Variants in CCDC148 observed in about 807,000 individuals in gnomAD.
CCDC148 encodes coiled-coil domain containing 148.
Under a neutral mutation model 85.7 loss-of-function variants are expected in CCDC148, and 89 were observed. The observed-to-expected ratio is 1.04, with a 90% CI of 0.87 to 1.24. The LOEUF (loss-of-function observed/expected upper bound fraction) is 1.24. Ranked by LOEUF, CCDC148 falls within the 50% of genes most tolerant of loss-of-function variation. The pLI, the probability that CCDC148 is intolerant of heterozygous loss-of-function variation, is 0.00. For synonymous variants in CCDC148, 230 were observed against 213.9 expected, an observed-to-expected ratio of 1.08 and a Z score of -0.66; for missense variants, 692 against 671.7, an observed-to-expected ratio of 1.03 and a Z score of -0.33.
chr2:158,366,552 T>G (rs1684212676), intron 1 of CCDC148, among the ~76,000 whole-genome samples: 1 of 152,182 alleles, frequency 6.6e-6, no homozygotes, highest in South Asian at 2.1e-4. Flanking sequence ...CCCTTCAGGT[T>G]AGGACTCAGC....
intron 9 of CCDC148, among the ~76,000 whole-genome samples, chr2:158,253,254 A>G (rs1688869478): frequency 6.6e-6 from 1 of 151,760 alleles, no homozygotes; most frequent in African/African-American, 2.4e-5. Flanking sequence ...TGATCAATAT[A>G]GAATCTAAAT....
intron 1 of CCDC148, among the ~76,000 whole-genome samples, chr2:158,376,297 GA>G (rs1016346886): frequency 1.3e-5 from 2 of 151,710 alleles, no homozygotes; most frequent in African/African-American, 4.8e-5. Flanking sequence ...GAAAGGGAAA[GA>G]AAAAAATCCT....
At chr2:158,411,927 CA>C (rs5835704) in intron 1 of CCDC148, among the ~76,000 whole-genome samples, 11,659 of 152,020 alleles carry the variant, frequency 0.077, 555 homozygotes, top group Middle Eastern at 0.15. Context: ...GGAATCAGGT[CA>C]GGGGCATAGG....
intron 10 of CCDC148, among the ~76,000 whole-genome samples, chr2:158,230,081 T>C (rs574076719): frequency 1.3e-5 from 2 of 152,326 alleles, no homozygotes; most frequent in African/African-American, 4.8e-5. Flanking sequence ...TTTGATTCTA[T>C]TAACCCTTAC....
intron 11 of CCDC148, among the ~76,000 whole-genome samples, chr2:158,189,430 C>T (rs1027243317): frequency 2.6e-5 from 4 of 151,878 alleles, no homozygotes; most frequent in Admixed American, 2.0e-4. Context: ...GTAATCAGTT[C>T]TTTTCCCAAA....
intron 1 of CCDC148, among the ~76,000 whole-genome samples, chr2:158,438,295 G>C (rs1310700948): frequency 7.2e-5 from 11 of 152,098 alleles, no homozygotes; most frequent in Non-Finnish European, 1.0e-4. Flanking sequence ...CAATGGAACA[G>C]AACAGAGCCC....
chr2:158,350,580 A>G (rs1475545184), intron 2 of CCDC148, among the ~76,000 whole-genome samples: 1 of 152,194 alleles, frequency 6.6e-6, no homozygotes, highest in African/African-American at 2.4e-5. Flanking sequence ...ATGAGAGTAG[A>G]GGATTCTAAA....
intron 10 of CCDC148, among the ~76,000 whole-genome samples, chr2:158,222,305 C>G (rs1303181490): frequency 6.6e-6 from 1 of 152,202 alleles, no homozygotes; most frequent in Non-Finnish European, 1.5e-5. Context: ...CCTCAGATTT[C>G]TGACACCACT....
chr2:158,277,525 A>C (rs777647106), intron 9 of CCDC148, among the ~76,000 whole-genome samples: 6 of 152,250 alleles, frequency 3.9e-5, no homozygotes, highest in African/African-American at 9.6e-5. Flanking sequence ...ACTAAATGCC[A>C]GGAACTACAC....
In CCDC148 at chr2:158,340,676, T is replaced by G; in HGVS notation, c.256A>C (p.Lys86Gln). The G allele has an allele frequency of 6.5e-7, 1 of 1,527,240 alleles. No individual in the cohort carries two copies. The highest frequency in any genetic ancestry group is 9.0e-7 in the Non-Finnish European group (1 of 1,111,534). The allele number at this position is 1,527,240 out of a possible 1,614,324, so 94.6% of individuals were successfully genotyped here. A position where few individuals can be genotyped will look rare whatever the true frequency, so the allele number is the denominator to read the frequency against. Reference sequence around the variant, plus strand: ...AGGGATTTTATTTCAGATTCCATTTTACATCTGAAATAGATGTGATCTCAA... The same window carrying G: ...AGGGATTTTATTTCAGATTCCATTTGACATCTGAAATAGATGTGATCTCAA... Reference protein sequence around the residue: ...EYQRLNEVRCKMESEIKSLLN... With the variant: ...EYQRLNEVRCQMESEIKSLLN... Residue 86 changes from lysine to glutamine, a missense_variant, in exon 4 of 14, where the codon AAA (lysine) becomes CAA (glutamine). Transcript: ENST00000283233.
At chr2:158,216,575 A>G (rs1686875397) in intron 11 of CCDC148, among the ~76,000 whole-genome samples, 1 of 151,574 alleles carries the variant, frequency 6.6e-6, no homozygotes, top group Non-Finnish European at 1.5e-5. Context: ...AAAGCACAAT[A>G]CATTTAATAA....
intron 1 of CCDC148, among the ~76,000 whole-genome samples, chr2:158,415,427 GAT>G (rs1217315682): frequency 6.6e-6 from 1 of 152,122 alleles, no homozygotes; most frequent in African/African-American, 2.4e-5. Flanking sequence ...TTCAACATGA[GAT>G]TTGGGCAGGG....
chr2:158,362,470 C>G (rs1421779164), intron 1 of CCDC148, among the ~76,000 whole-genome samples: 1 of 152,022 alleles, frequency 6.6e-6, no homozygotes, highest in Admixed American at 6.6e-5. Context: ...ATAGCAGTCT[C>G]TCAGATCACA....
chr2:158,247,077 G>A (rs1184628223), intron 10 of CCDC148, among the ~76,000 whole-genome samples: 1 of 152,026 alleles, frequency 6.6e-6, no homozygotes, highest in African/African-American at 2.4e-5. Flanking sequence ...AAATTAAAAG[G>A]CAAATGACCA....
intron 1 of CCDC148, among the ~76,000 whole-genome samples, chr2:158,370,995 C>T (rs1684414034): frequency 6.6e-6 from 1 of 151,696 alleles, no homozygotes; most frequent in Admixed American, 6.6e-5. Flanking sequence ...ATTTTGATTA[C>T]TACTTTATGA....
intron 1 of CCDC148, among the ~76,000 whole-genome samples, chr2:158,426,374 A>G (rs962015619): frequency 1.3e-5 from 2 of 152,186 alleles, no homozygotes; most frequent in African/African-American, 4.8e-5. Flanking sequence ...AGAAAAAGTC[A>G]TGATAGTAAA....
intron 1 of CCDC148, among the ~76,000 whole-genome samples, chr2:158,434,932 G>T (rs1466736293): frequency 6.6e-6 from 1 of 152,170 alleles, no homozygotes; most frequent in East Asian, 1.9e-4. Context: ...ACAGACAAAA[G>T]AGTAAAAAGA....
At chr2:158,419,287 A>G (rs1173697911) in intron 1 of CCDC148, among the ~76,000 whole-genome samples, 1 of 152,212 alleles carries the variant, frequency 6.6e-6, no homozygotes, top group African/African-American at 2.4e-5. Flanking sequence ...TTTAAATACT[A>G]TGGAAAGGTT....
At chr2:158,343,722 T>C (rs1682856049) in intron 3 of CCDC148, among the ~76,000 whole-genome samples, 1 of 152,212 alleles carries the variant, frequency 6.6e-6, no homozygotes, top group African/African-American at 2.4e-5. Flanking sequence ...TGGCCCTAAA[T>C]TCTCCACAAG....
Sources: gnomAD v4.1 joint callset for allele counts (sites outside exome capture counted in the v4.1 genomes callset) on GRCh38, gnomAD v4.1.1 for gene constraint, MANE v1.5 for transcripts, NCBI Gene and HGNC (gene_info 2026-07-23, HGNC 2026-07-21) for gene names.